DLG2: variants seen among roughly 807,000 people sequenced by gnomAD.
DLG2 encodes disks large homolog 2.
A neutral mutation model predicts 132.5 loss-of-function variants in DLG2; 45 were observed. The ratio of observed to expected loss-of-function variants is 0.34; its 90% CI spans 0.27 to 0.44. The LOEUF (loss-of-function observed/expected upper bound fraction) is 0.44. DLG2 is among the 20% of genes least tolerant of loss of function. The pLI is 1.00. For synonymous variants in DLG2, 424 were observed against 419.6 expected, an observed-to-expected ratio of 1.01 and a Z score of -0.13; for missense variants, 1,045 against 1,196.9, an observed-to-expected ratio of 0.87 and a Z score of 1.87.
At chr11:84,203,720 G>T (rs2096628403) in intron 8 of DLG2, among the ~76,000 whole-genome samples, 1 of 151,956 alleles carries the variant, frequency 6.6e-6, no homozygotes. Flanking sequence ...AGTGGGAACT[G>T]AATGATGAGA....
intron 4 of DLG2, among the ~76,000 whole-genome samples, chr11:85,264,602 G>C (rs1208526117): frequency 1.3e-5 from 2 of 152,020 alleles, no homozygotes; most frequent in African/African-American, 4.8e-5. Flanking sequence ...TATTGATGAG[G>C]GCCATTGCTA....
intron 16 of DLG2, among the ~76,000 whole-genome samples, chr11:83,859,553 T>C (rs1186097239): frequency 6.6e-6 from 1 of 152,180 alleles, no homozygotes; most frequent in Non-Finnish European, 1.5e-5. Context: ...AGCAAAGCAT[T>C]CAAGAGGTGA....
intron 10 of DLG2, among the ~76,000 whole-genome samples, chr11:84,065,218 T>C (rs2096653164): frequency 6.6e-6 from 1 of 152,068 alleles, no homozygotes; most frequent in Non-Finnish European, 1.5e-5. Context: ...AATTGACAAA[T>C]GGGACCTAAT....
At chr11:85,356,821 TAGATAGAG>T (rs1422982191) in intron 3 of DLG2, among the ~76,000 whole-genome samples, 63 of 115,020 alleles carry the variant, frequency 5.5e-4, no homozygotes, top group Admixed American at 3.3e-3. Context: ...GATAGATAGA[TAGATAGAG>T]ATGATAGACA....
chr11:85,465,686 G>T (rs554503667), intron 3 of DLG2, among the ~76,000 whole-genome samples: 470 of 152,212 alleles, frequency 3.1e-3, no homozygotes, highest in African/African-American at 9.0e-3. Context: ...GTGCCACATT[G>T]TCTTAATCCA....
chr11:85,252,870 A>G (rs1349307279), intron 4 of DLG2, among the ~76,000 whole-genome samples: 1 of 152,172 alleles, frequency 6.6e-6, no homozygotes, highest in Non-Finnish European at 1.5e-5. Flanking sequence ...TAACTTGGAT[A>G]TCTACTGAAT....
intron 20 of DLG2, among the ~76,000 whole-genome samples, chr11:83,537,008 G>A (rs2095895589): frequency 6.6e-6 from 1 of 152,126 alleles, no homozygotes; most frequent in African/African-American, 2.4e-5. Context: ...CACCTGAAGA[G>A]ACAGACCAAA....
chr11:84,602,529 T>C (rs2099578485), intron 6 of DLG2, among the ~76,000 whole-genome samples: 1 of 152,046 alleles, frequency 6.6e-6, no homozygotes, highest in South Asian at 2.1e-4. Context: ...TCATAAACAC[T>C]ATGATTCTAT....
intron 6 of DLG2, among the ~76,000 whole-genome samples, chr11:84,721,216 G>A (rs1247884281): frequency 3.3e-5 from 5 of 152,306 alleles, no homozygotes; most frequent in African/African-American, 1.2e-4. Flanking sequence ...GCCTTGCCGG[G>A]GGCAGAGGGC....
At chr11:84,932,363 A>G (rs2048195530) in intron 6 of DLG2, among the ~76,000 whole-genome samples, 1 of 152,152 alleles carries the variant, frequency 6.6e-6, no homozygotes, top group South Asian at 2.1e-4. Flanking sequence ...ACCATTATTT[A>G]CTGAATAAGG....
At chr11:83,570,004 T>G (rs1259035691) in intron 19 of DLG2, among the ~76,000 whole-genome samples, 3 of 152,228 alleles carry the variant, frequency 2.0e-5, no homozygotes, top group Non-Finnish European at 4.4e-5. Flanking sequence ...GAGCTAAGCT[T>G]ATCTGCCTTG....
chr11:85,429,301 A>G (rs1346330757), intron 3 of DLG2, among the ~76,000 whole-genome samples: 1 of 152,212 alleles, frequency 6.6e-6, no homozygotes, highest in Non-Finnish European at 1.5e-5. Flanking sequence ...CTGTTACCAA[A>G]GCCTGGCAGA....
At chr11:85,148,027 G>C (rs1452478303) in intron 5 of DLG2, among the ~76,000 whole-genome samples, 1 of 152,036 alleles carries the variant, frequency 6.6e-6, no homozygotes, top group East Asian at 1.9e-4. Flanking sequence ...TCTTGTGTTA[G>C]TTTGCTGAGG....
chr11:83,764,510 A>G (rs1488264543), intron 18 of DLG2, among the ~76,000 whole-genome samples: 2 of 152,170 alleles, frequency 1.3e-5, no homozygotes, highest in African/African-American at 4.8e-5. Flanking sequence ...TGTGGTGGTG[A>G]GGTTGGATGG....
chr11:84,172,734 G>C (rs2095853234), intron 8 of DLG2, among the ~76,000 whole-genome samples: 1 of 151,984 alleles, frequency 6.6e-6, no homozygotes, highest in African/African-American at 2.4e-5. Context: ...GTAGAGATGA[G>C]GTTTTGCCAT....
At chr11:84,251,531 C>T (rs759474169) in intron 7 of DLG2, among the ~76,000 whole-genome samples, 1 of 151,860 alleles carries the variant, frequency 6.6e-6, no homozygotes, top group East Asian at 1.9e-4. Context: ...AATTTACATT[C>T]ATTTTCTCTT....
At chr11:85,621,046 T>G (rs1407352291) in intron 2 of DLG2, among the ~76,000 whole-genome samples, 1 of 152,232 alleles carries the variant, frequency 6.6e-6, no homozygotes, top group Non-Finnish European at 1.5e-5. Context: ...GACTTTACGT[T>G]GAAGCCAATG....
At chr11:83,644,366 A>T (rs1333924623) in intron 18 of DLG2, among the ~76,000 whole-genome samples, 1 of 152,138 alleles carries the variant, frequency 6.6e-6, no homozygotes, top group East Asian at 1.9e-4. Flanking sequence ...CCCTCCCACT[A>T]AAATAATTTT....
chr11:84,123,335 C>T (rs1035327919), intron 9 of DLG2, among the ~76,000 whole-genome samples: 1 of 152,154 alleles, frequency 6.6e-6, no homozygotes, highest in African/African-American at 2.4e-5. Flanking sequence ...CTTGGGTTAT[C>T]AGATCTTGGT....
Sources: allele counts gnomAD v4.1 joint callset (sites outside exome capture counted in the v4.1 genomes callset), GRCh38; gene constraint gnomAD v4.1.1; transcripts MANE v1.5; gene names NCBI Gene and HGNC (gene_info 2026-07-23, HGNC 2026-07-21).